The following SLC12A6 variants were observed in gnomAD, a reference collection of about 807,000 sequenced individuals.
The protein encoded by SLC12A6 is solute carrier family 12 member 6.
Under a neutral mutation model 135.3 loss-of-function variants are expected in SLC12A6, and 66 were observed. The ratio of observed to expected loss-of-function variants is 0.49; its 90% CI spans 0.40 to 0.60. The LOEUF (loss-of-function observed/expected upper bound fraction) is 0.60. Among genes scored for constraint, SLC12A6 ranks in the 20% least tolerant of loss-of-function variants. SLC12A6 has a pLI of 0.00. For missense variants in SLC12A6, 1,058 were observed against 1,452.3 expected, an observed-to-expected ratio of 0.73 and a Z score of 4.41; for synonymous variants, 513 against 508.8, an observed-to-expected ratio of 1.01 and a Z score of -0.11.
intron 2 of SLC12A6, among the ~76,000 whole-genome samples, chr15:34,310,223 T>TGGTG (rs1888071132): frequency 7.8e-6 from 1 of 128,838 alleles, no homozygotes; most frequent in African/African-American, 3.6e-5. Flanking sequence ...GTGTCCAGGC[T>TGGTG]AGTGTTGAAC....
chr15:34,318,636 C>G lies in SLC12A6; in HGVS notation c.271+17774G>C, dbSNP rs757242571. On this transcript the variant is annotated intron_variant, in intron 2 of 25. Coordinates refer to ENST00000354181, the MANE Select transcript of SLC12A6 (RefSeq NM_001365088.1). The stretch of plus-strand genomic sequence containing the variant: ...TCTTGAGAGATCGAAGCCGCTGCCC[C>G]CTCCTCTGGGTCCTCTACCTTAGTC... 1.5e-5 allele frequency: 25 copies of G among 1,613,234 alleles called. No homozygotes were observed. In the Admixed American group the frequency reaches 3.3e-4, roughly 22 times the overall value.
intron 2 of SLC12A6, among the ~76,000 whole-genome samples, chr15:34,282,861 G>A (rs943856915): frequency 4.6e-5 from 7 of 152,162 alleles, no homozygotes; most frequent in African/African-American, 1.7e-4. Context: ...TTTATGGGAG[G>A]AGGCTGAGAT....
chr15:34,327,703 T>C (rs957164055), intron 2 of SLC12A6, among the ~76,000 whole-genome samples: 4 of 151,984 alleles, frequency 2.6e-5, no homozygotes, highest in African/African-American at 9.7e-5. Flanking sequence ...GCTCTCAAAA[T>C]AGAATAAAAG....
At chr15:34,266,114 A>T (rs1290743201) in intron 3 of SLC12A6, among the ~76,000 whole-genome samples, 1 of 151,698 alleles carries the variant, frequency 6.6e-6, no homozygotes, top group Admixed American at 6.6e-5. Context: ...TAAAACCAGT[A>T]ATGTAAATAG....
intron 2 of SLC12A6, among the ~76,000 whole-genome samples, chr15:34,303,489 C>T (rs552608996): frequency 2.0e-5 from 3 of 152,110 alleles, no homozygotes; most frequent in East Asian, 3.9e-4. Context: ...CAGATTCATG[C>T]AAGCTGCTGT....
At chr15:34,284,391 G>T (rs974164569) in intron 2 of SLC12A6, among the ~76,000 whole-genome samples, 19 of 143,026 alleles carry the variant, frequency 1.3e-4, no homozygotes, top group African/African-American at 4.2e-4. Flanking sequence ...TCCTGCCTCA[G>T]CCTCCCGAGT....
intron 2 of SLC12A6, among the ~76,000 whole-genome samples, chr15:34,331,670 C>T (rs1050433621): frequency 6.6e-6 from 1 of 152,038 alleles, no homozygotes; most frequent in Non-Finnish European, 1.5e-5. Flanking sequence ...TCCTCAAGAA[C>T]CCTACAGCAT....
In SLC12A6 at chr15:34,232,794, G is replaced by A. The variant is rs4779660; in HGVS notation, c.*1087C>T. 2.0e-5 allele frequency: 3 copies of A among 152,346 alleles called. No homozygotes were observed. Among genetic ancestry groups the A allele is most frequent in the Non-Finnish European group, 4.4e-5 (3 of 68,024 alleles). The allele number at this position is 152,346 out of a possible 1,614,324, so 9.4% of individuals were successfully genotyped here. On this transcript the variant is annotated 3_prime_UTR_variant, in exon 26 of 26. Coordinates refer to ENST00000354181, the MANE Select transcript of SLC12A6 (RefSeq NM_001365088.1). ...GTAAGGAGAGTAGCCGCTCAGTAAC[G>A]TTGGCACTAAAGAAAGAGTGTGGCT...
At chr15:34,321,500 A>G (rs1413052300) in intron 2 of SLC12A6, among the ~76,000 whole-genome samples, 3 of 152,238 alleles carry the variant, frequency 2.0e-5, no homozygotes, top group African/African-American at 7.2e-5. Context: ...CAAATTTGGC[A>G]AGACTGTGGA....
chr15:34,289,024 G>GA (rs1895324462), intron 2 of SLC12A6, among the ~76,000 whole-genome samples: 1 of 152,168 alleles, frequency 6.6e-6, no homozygotes, highest in Non-Finnish European at 1.5e-5. Context: ...ACACTATGTT[G>GA]AATAGGAGTG....
intron 2 of SLC12A6, among the ~76,000 whole-genome samples, chr15:34,277,331 G>C (rs892221132): frequency 6.6e-6 from 1 of 152,094 alleles, no homozygotes; most frequent in African/African-American, 2.4e-5. Flanking sequence ...AGCTACTCAG[G>C]AGGCTAAGGC....
At position 34,315,164 on chromosome 15, in the gene SLC12A6, T is replaced by C. The variant is rs28884554; in HGVS notation, c.271+21246A>G. On this transcript the variant is annotated intron_variant, in intron 2 of 25. Transcript: ENST00000354181. ...AACTAAGCAGCAAGGTTTGAGATGA[T>C]TGACTCCAATTTTGAAAGAAGTTCT... Among the ~76,000 whole-genome samples the C allele has an allele frequency of 9.8e-3, 1,488 of 152,312 alleles. 32 individuals carry two copies. The highest frequency in any genetic ancestry group is 0.033 in the African/African-American group (1,384 of 41,552).
chr15:34,317,510 C>G (rs548475206), intron 2 of SLC12A6, among the ~76,000 whole-genome samples: 12 of 152,206 alleles, frequency 7.9e-5, no homozygotes, highest in African/African-American at 2.6e-4. Context: ...TGAGATCAGC[C>G]TGGCCAAAAA....
At chr15:34,284,720 A>T (rs1894930886) in intron 2 of SLC12A6, among the ~76,000 whole-genome samples, 1 of 152,184 alleles carries the variant, frequency 6.6e-6, no homozygotes, top group South Asian at 2.1e-4. Flanking sequence ...GTGGAGAAAA[A>T]AACAACCAGT....
rs368694354 is a variant in SLC12A6, at chr15:34,250,611, T to C, written c.1591+20A>G. 10 of 1,298,878 alleles carry C rather than the reference T, an allele frequency of 7.7e-6. No individual in the cohort carries two copies. In the African/African-American group the frequency reaches 1.5e-4, roughly 19 times the overall value. 80.5% of individuals were successfully genotyped at this position (1,298,878 alleles called of 1,614,324 possible). On this transcript the variant is annotated intron_variant, in intron 12 of 25. Transcript: ENST00000354181. The stretch of plus-strand genomic sequence containing the variant: ...ATGCTCCTATGACTAAGACTCAGAC[T>C]GGATCCATAAAAAGGATACAAACAA...
At position 34,337,074 on chromosome 15, in the gene SLC12A6, C is replaced by A. The variant is rs113171094; in HGVS notation, c.-73+258G>T. 3.0e-4 allele frequency: 96 copies of A among 324,368 alleles called. 3 individuals carry two copies. Among genetic ancestry groups the A allele is most frequent in the African/African-American group, 1.8e-3 (84 of 45,988 alleles). The allele number at this position is 324,368 out of a possible 1,614,324, so 20.1% of individuals were successfully genotyped here. ...CTCCCCTCAGCCCCCAGTTTCCTGTCGAGGTAGTCCTTTATCTGGTGAGTG... is the reference window on the plus strand; with the variant it reads ...CTCCCCTCAGCCCCCAGTTTCCTGTAGAGGTAGTCCTTTATCTGGTGAGTG... On this transcript the variant is annotated intron_variant, in intron 1 of 25. Coordinates refer to ENST00000354181, the MANE Select transcript of SLC12A6 (RefSeq NM_001365088.1).
rs1892675675 is a variant in SLC12A6 at position 34,255,353 on chromosome 15, G to A, written c.785C>T (p.Pro262Leu). The change falls in exon 8 of 26, where the codon CCA becomes CTA. Residue 262 changes from proline (P) to leucine (L), a missense_variant. Physicochemically the swap from Pro to Leu is moderately conservative, Grantham distance 98. Transcript: ENST00000354181. ...GAGGCCAACAGCCCCACCAAACTCT[G>A]GGCCCAGTGCCCGGGAAATCATAAA... ...SYFMISRALGPEFGGAVGLCF... is the reference protein window; with the variant it reads ...SYFMISRALGLEFGGAVGLCF... 6.2e-7 allele frequency: 1 copy of A among 1,609,994 alleles called. No individual in the cohort carries two copies. Among genetic ancestry groups the A allele is most frequent in the Non-Finnish European group, 8.5e-7 (1 of 1,176,208 alleles).
intron 3 of SLC12A6, among the ~76,000 whole-genome samples, chr15:34,267,135 A>C (rs1240832546): frequency 6.6e-6 from 1 of 152,086 alleles, no homozygotes; most frequent in East Asian, 1.9e-4. Flanking sequence ...CAATTGCTTG[A>C]CATCCTCCTG....
intron 9 of SLC12A6, among the ~76,000 whole-genome samples, chr15:34,253,363 T>C (rs1455023098): frequency 6.6e-6 from 1 of 152,130 alleles, no homozygotes; most frequent in African/African-American, 2.4e-5. Context: ...TGAGACAAAA[T>C]GGAATTTCCC....
Sources: gnomAD v4.1 joint callset for allele counts (sites outside exome capture counted in the v4.1 genomes callset) on GRCh38, gnomAD v4.1.1 for gene constraint, MANE v1.5 for transcripts, NCBI Gene and HGNC (gene_info 2026-07-23, HGNC 2026-07-21) for gene names.